Variants in COPG2 observed in about 807,000 individuals in gnomAD.
COPG2 encodes coat protein complex I subunit gamma 2.
Under a neutral mutation model 46.3 loss-of-function variants are expected in COPG2, and 37 were observed. That is an observed-to-expected ratio of 0.80 (90% CI 0.61 to 1.05). The LOEUF (loss-of-function observed/expected upper bound fraction) is 1.05, where lower values mean the gene tolerates loss of function less well. Ranked by LOEUF, COPG2 falls within the 50% of genes least tolerant of loss-of-function variation. The pLI is 0.00. For missense variants in COPG2, 427 were observed against 387.8 expected (o/e 1.10, Z -0.85); for synonymous variants, 159 against 129.7 (o/e 1.23, Z -1.53).
intron 5 of COPG2, among the ~76,000 whole-genome samples, chr7:130,629,178 CT>C (rs869220128): frequency 6.6e-6 from 1 of 151,492 alleles, no homozygotes; most frequent in East Asian, 1.9e-4. Flanking sequence ...ATGTTTTGTC[CT>C]TTTTTGGGGG....
chr7:130,644,979 T>C (rs1795564935), intron 5 of COPG2, among the ~76,000 whole-genome samples: 1 of 151,282 alleles, frequency 6.6e-6, no homozygotes, highest in Non-Finnish European at 1.5e-5. Context: ...GGAGAATCGC[T>C]TGAACCCAGG....
rs1445553544 is a variant in COPG2, at chr7:130,553,656, TCA to T, written c.1468+823_1468+824del. On this transcript the variant is annotated intron_variant, in intron 14 of 23. Transcript: ENST00000425248. ...TCAGGAAAGAGACATGACTGGAATG[TCA>T]CAGCCTATTAGCAGAGCTCTGAAAA... is the stretch of plus-strand genomic sequence containing the variant. Among the ~76,000 whole-genome samples the T allele has an allele frequency of 2.0e-5, 3 of 152,314 alleles. No individual in the cohort carries two copies. The East Asian group carries it at 5.8e-4, about 29-fold the overall frequency.
At chr7:130,528,725 T>C (rs2116355566) in intron 20 of COPG2, among the ~76,000 whole-genome samples, 1 of 151,180 alleles carries the variant, frequency 6.6e-6, no homozygotes, top group South Asian at 2.1e-4. Flanking sequence ...AGGTGTTCCC[T>C]AATGGGCAAG....
intron 20 of COPG2, among the ~76,000 whole-genome samples, chr7:130,545,453 T>G (rs893280253): frequency 2.0e-5 from 3 of 152,124 alleles, no homozygotes; most frequent in African/African-American, 7.2e-5. Flanking sequence ...CAGGTAAAAT[T>G]TGGAATATCT....
chr7:130,640,656 T>C (rs1795447231), intron 5 of COPG2, among the ~76,000 whole-genome samples: 1 of 152,104 alleles, frequency 6.6e-6, no homozygotes. Flanking sequence ...TAAGTGTTAA[T>C]CCAAATAAAT....
At chr7:130,518,591 T>C (rs1799698578) in intron 20 of COPG2, among the ~76,000 whole-genome samples, 1 of 152,162 alleles carries the variant, frequency 6.6e-6, no homozygotes, top group Admixed American at 6.5e-5. Flanking sequence ...TTAATATATA[T>C]GACAGTGCAA....
intron 9 of COPG2, chr7:130,610,665 C>A: frequency 1.8e-6 from 1 of 567,302 alleles, no homozygotes; most frequent in Admixed American, 2.2e-5. Flanking sequence ...AATGTCCCTG[C>A]CAACTTTCAT....
intron 16 of COPG2, 73 bp downstream of exon 16, chr7:130,551,168 T>C: frequency 2.5e-6 from 1 of 397,230 alleles, no homozygotes. Context: ...AGTTAGCTCA[T>C]ATGCAAATCA....
chr7:130,513,935 T>C (rs958546568), intron 20 of COPG2, among the ~76,000 whole-genome samples: 1 of 151,978 alleles, frequency 6.6e-6, no homozygotes, highest in African/African-American at 2.4e-5. Context: ...CCCATAAGTG[T>C]AAGATTAAAT....
intron 20 of COPG2, among the ~76,000 whole-genome samples, chr7:130,541,673 T>C (rs1465952909): frequency 6.6e-6 from 1 of 150,908 alleles, no homozygotes; most frequent in Non-Finnish European, 1.5e-5. Context: ...ATCAGGAAGG[T>C]TTAGGGGAGT....
intron 4 of COPG2, among the ~76,000 whole-genome samples, chr7:130,658,544 C>T (rs1049959056): frequency 1.3e-5 from 2 of 151,532 alleles, no homozygotes; most frequent in Non-Finnish European, 1.5e-5. Context: ...TGTAAAACTA[C>T]ACTTAAAAAA....
chr7:130,519,005 C>CAAAA (rs1163859617), intron 20 of COPG2, among the ~76,000 whole-genome samples: 2 of 116,424 alleles, frequency 1.7e-5, no homozygotes, highest in Admixed American at 8.9e-5. Context: ...GACTCTGTCT[C>CAAAA]AAAAAAAAAA....
intron 14 of COPG2, among the ~76,000 whole-genome samples, chr7:130,554,266 G>C (rs1422733309): frequency 1.3e-5 from 2 of 152,246 alleles, no homozygotes; most frequent in African/African-American, 4.8e-5. Flanking sequence ...AGCCATCATA[G>C]TATTCCTATC....
chr7:130,531,593 G>T (rs1322239162), intron 20 of COPG2, among the ~76,000 whole-genome samples: 1 of 152,138 alleles, frequency 6.6e-6, no homozygotes, highest in Admixed American at 6.5e-5. Flanking sequence ...CTCTCACAAA[G>T]AGTGGGATTC....
chr7:130,630,934 T>C (rs1326713256), intron 5 of COPG2, among the ~76,000 whole-genome samples: 4 of 152,188 alleles, frequency 2.6e-5, no homozygotes, highest in African/African-American at 7.2e-5. Flanking sequence ...TTCCAACTAC[T>C]TGGGAGGACC....
chr7:130,650,898 GCTGAATGA>G (rs1477478155), intron 5 of COPG2, among the ~76,000 whole-genome samples: 1 of 152,218 alleles, frequency 6.6e-6, no homozygotes, highest in Non-Finnish European at 1.5e-5. Flanking sequence ...CCCTGACACT[GCTGAATGA>G]CTGAGCCAAC....
At chr7:130,650,251 G>A (rs1300085187) in intron 5 of COPG2, among the ~76,000 whole-genome samples, 1 of 152,258 alleles carries the variant, frequency 6.6e-6, no homozygotes, top group African/African-American at 2.4e-5. Context: ...CTGCTGTTTT[G>A]CAATCTTAAT....
At chr7:130,507,930 C>G (rs1799527821) in intron 21 of COPG2, 107 bp from the exon 22 acceptor site, 1 of 685,564 alleles carries the variant, frequency 1.5e-6, no homozygotes, top group Non-Finnish European at 2.6e-6. Context: ...ACTCTACCAC[C>G]AAAATAGTTT....
chr7:130,624,722 C>G (rs1795089645), intron 5 of COPG2, among the ~76,000 whole-genome samples: 1 of 152,150 alleles, frequency 6.6e-6, no homozygotes, highest in Non-Finnish European at 1.5e-5. Flanking sequence ...CAGTTCCATC[C>G]AAGTTGCTGC....
Sources: gnomAD v4.1 joint callset for allele counts (sites outside exome capture counted in the v4.1 genomes callset) on GRCh38, gnomAD v4.1.1 for gene constraint, MANE v1.5 for transcripts, NCBI Gene and HGNC (gene_info 2026-07-23, HGNC 2026-07-21) for gene names.